The following SHROOM3 variants were observed in gnomAD, a reference collection of about 807,000 sequenced individuals.
SHROOM3 encodes the protein shroom family member 3.
SHROOM3 carries 47 observed loss-of-function variants against 138.6 expected under a neutral mutation model. The ratio of observed to expected loss-of-function variants is 0.34; its 90% CI spans 0.27 to 0.43. The LOEUF is 0.43. SHROOM3 is among the 20% of genes least tolerant of loss of function. The pLI is 1.00. For synonymous variants in SHROOM3, 1,062 were observed against 1,063.3 expected, an observed-to-expected ratio of 1.00 and a Z score of 0.02; for missense variants, 2,491 against 2,596.5, an observed-to-expected ratio of 0.96 and a Z score of 0.88.
intron 2 of SHROOM3, among the ~76,000 whole-genome samples, chr4:76,650,101 T>G (rs10019686): frequency 0.65 from 98,868 of 151,952 alleles, 32,751 homozygotes; most frequent in East Asian, 0.94. Context: ...CTACTTATAA[T>G]GATATTAATC....
rs545018922 is a variant in SHROOM3 at position 76,750,280 on chromosome 4, C to T, written c.3827+1190C>T. Among the ~76,000 whole-genome samples, 3 of 152,040 alleles carry T rather than the reference C, an allele frequency of 2.0e-5. No homozygotes were observed. In the South Asian group the frequency reaches 6.2e-4, roughly 32 times the overall value. ...AAGAAAATTGGTCTGAAATCAAAGACGGGACGAAACAACAAACAATCAAAT... is the reference window on the plus strand; with the variant it reads ...AAGAAAATTGGTCTGAAATCAAAGATGGGACGAAACAACAAACAATCAAAT... On this transcript the variant is annotated intron_variant, in intron 6 of 10. Transcript: ENST00000296043.
At chr4:76,493,708 T>C (rs189303147) in intron 1 of SHROOM3, among the ~76,000 whole-genome samples, 21 of 152,322 alleles carry the variant, frequency 1.4e-4, no homozygotes, top group East Asian at 1.4e-3. Flanking sequence ...TGGCCGGGTG[T>C]GGTGGCTCAT....
intron 1 of SHROOM3, among the ~76,000 whole-genome samples, chr4:76,537,637 C>T (rs1733007948): frequency 6.6e-6 from 1 of 152,090 alleles, no homozygotes; most frequent in African/African-American, 2.4e-5. Flanking sequence ...GCAATTTAGG[C>T]TTTGCTGATG....
At chr4:76,745,767 G>A (rs1463931252) in intron 5 of SHROOM3, among the ~76,000 whole-genome samples, 1 of 152,178 alleles carries the variant, frequency 6.6e-6, no homozygotes, top group Non-Finnish European at 1.5e-5. Context: ...GATTGCTTGA[G>A]GCCAGGAGTT....
intron 1 of SHROOM3, among the ~76,000 whole-genome samples, chr4:76,489,877 C>T (rs10029777): frequency 0.43 from 65,588 of 152,012 alleles, 15,161 homozygotes; most frequent in Non-Finnish European, 0.52. Context: ...TTGGACAAAA[C>T]GCCCAGCAAA....
chr4:76,517,146 T>C (rs1225444711), intron 1 of SHROOM3, among the ~76,000 whole-genome samples: 1 of 152,234 alleles, frequency 6.6e-6, no homozygotes, highest in Non-Finnish European at 1.5e-5. Context: ...TGGTCTTCTT[T>C]GCTGTAAAAG....
chr4:76,562,930 GC>G (rs1287552582), intron 2 of SHROOM3, among the ~76,000 whole-genome samples: 1 of 152,192 alleles, frequency 6.6e-6, no homozygotes, highest in African/African-American at 2.4e-5. Context: ...CAATCTGCAA[GC>G]CAGATTGTGT....
At chr4:76,621,830 CT>C (rs1437662557) in intron 2 of SHROOM3, among the ~76,000 whole-genome samples, 371 of 133,310 alleles carry the variant, frequency 2.8e-3, no homozygotes, top group Middle Eastern at 7.9e-3. Flanking sequence ...TTTGAATGTT[CT>C]TTTTTTTTTT....
chr4:76,776,056 T>C (rs1578040900), intron 10 of SHROOM3, among the ~76,000 whole-genome samples: 1 of 152,280 alleles, frequency 6.6e-6, no homozygotes, highest in East Asian at 1.9e-4. Flanking sequence ...CTCCATACTG[T>C]TTTCCATAGT....
intron 1 of SHROOM3, among the ~76,000 whole-genome samples, chr4:76,461,410 T>C (rs528599684): frequency 6.6e-6 from 1 of 152,332 alleles, no homozygotes; most frequent in South Asian, 2.1e-4. Context: ...AATTTTTGGC[T>C]TAGTCCATAA....
intron 1 of SHROOM3, among the ~76,000 whole-genome samples, chr4:76,521,498 A>G (rs1216071462): frequency 6.6e-6 from 1 of 152,246 alleles, no homozygotes; most frequent in Non-Finnish European, 1.5e-5. Flanking sequence ...CAATTGTTCT[A>G]TACAGTCATC....
chr4:76,612,408 CAGTA>C (rs1467093308), intron 2 of SHROOM3, among the ~76,000 whole-genome samples: 1 of 152,092 alleles, frequency 6.6e-6, no homozygotes, highest in Non-Finnish European at 1.5e-5. Flanking sequence ...GTGTGTTAGT[CAGTA>C]AGTTTTAACT....
At chr4:76,539,870 TG>T (rs1362462881) in intron 1 of SHROOM3, among the ~76,000 whole-genome samples, 2 of 152,196 alleles carry the variant, frequency 1.3e-5, no homozygotes, top group African/African-American at 4.8e-5. Context: ...GCCTCTGAGA[TG>T]GAGTTTCGCT....
At chr4:76,527,273 G>A (rs1289387816) in intron 1 of SHROOM3, among the ~76,000 whole-genome samples, 2 of 152,164 alleles carry the variant, frequency 1.3e-5, no homozygotes, top group African/African-American at 4.8e-5. Flanking sequence ...TTCTTCCTCA[G>A]TGAATAACCT....
At chr4:76,539,819 G>A (rs1733061241) in intron 1 of SHROOM3, among the ~76,000 whole-genome samples, 2 of 152,178 alleles carry the variant, frequency 1.3e-5, no homozygotes, top group African/African-American at 4.8e-5. Context: ...GGTTGCAAGT[G>A]AAGAAATCCT....
At chr4:76,681,762 C>T (rs535882988) in intron 2 of SHROOM3, among the ~76,000 whole-genome samples, 29 of 152,198 alleles carry the variant, frequency 1.9e-4, no homozygotes, top group South Asian at 1.9e-3. Context: ...TCTGTGCCCT[C>T]TTGGATTACC....
At chr4:76,673,292 G>A (rs1718940035) in intron 2 of SHROOM3, among the ~76,000 whole-genome samples, 1 of 152,170 alleles carries the variant, frequency 6.6e-6, no homozygotes, top group Non-Finnish European at 1.5e-5. Flanking sequence ...TGTGTGATTA[G>A]GGACTTAATA....
chr4:76,495,551 G>T (rs771277150), intron 1 of SHROOM3, among the ~76,000 whole-genome samples: 6 of 152,178 alleles, frequency 3.9e-5, no homozygotes, highest in Non-Finnish European at 5.9e-5. Context: ...TGCCCTATAG[G>T]ATTCTCCCAA....
rs566454365 is a variant in SHROOM3 at position 76,457,896 on chromosome 4, C to A, written c.168+21676C>A. Among the ~76,000 whole-genome samples the A allele has an allele frequency of 1.5e-3, 228 of 151,206 alleles. 1 individual carries two copies. Among genetic ancestry groups the A allele is most frequent in the African/African-American group, 5.3e-3 (219 of 41,166 alleles). On this transcript the variant is annotated intron_variant, in intron 1 of 10. Coordinates refer to ENST00000296043, the MANE Select transcript of SHROOM3 (RefSeq NM_020859.4). The stretch of plus-strand genomic sequence containing the variant: ...CTGCAAGCTCCGCCTCCCAGGTTCA[C>A]GCCATTCTCCTGCCTCGGCCTCCCA...
Sources: allele counts gnomAD v4.1 joint callset (sites outside exome capture counted in the v4.1 genomes callset), GRCh38; gene constraint gnomAD v4.1.1; transcripts MANE v1.5; gene names NCBI Gene and HGNC (gene_info 2026-07-23, HGNC 2026-07-21).